MEP1B: variants seen among roughly 807,000 people sequenced by gnomAD.
The protein encoded by MEP1B is meprin A subunit beta, also known as N-benzoyl-L-tyrosyl-P-amino-benzoic acid hydrolase subunit beta.
In MEP1B, 80 loss-of-function variants were observed where a neutral mutation model predicts 84.6. The observed-to-expected ratio is 0.95, with a 90% CI of 0.79 to 1.14. MEP1B has a LOEUF of 1.14. MEP1B is among the 50% of genes most tolerant of loss of function. MEP1B has a pLI of 0.00. For missense variants in MEP1B, 766 were observed against 855.1 expected (o/e 0.90, Z 1.30); for synonymous variants, 273 against 288.1 (o/e 0.95, Z 0.53).
At chr18:32,214,489 A>G (rs1442857347) in intron 11 of MEP1B, among the ~76,000 whole-genome samples, 4 of 152,192 alleles carry the variant, frequency 2.6e-5, no homozygotes, top group African/African-American at 9.6e-5. Flanking sequence ...TGACATTCAG[A>G]ATTTCTTCAC....
chr18:32,212,998 A>C (rs144892316), intron 10 of MEP1B, 118 bp from the exon 11 acceptor site: 1 of 899,146 alleles, frequency 1.1e-6, no homozygotes, highest in African/African-American at 1.7e-5. Flanking sequence ...CATACTTCTG[A>C]CCTGTAGAAA....
intron 6 of MEP1B, 75 bp downstream of exon 6, chr18:32,203,085 T>A (rs1396401003): frequency 1.2e-6 from 1 of 831,888 alleles, no homozygotes; most frequent in Non-Finnish European, 1.9e-6. Flanking sequence ...GCAGCAATCA[T>A]CCTAGGCTCT....
chr18:32,216,960 T>C lies in MEP1B; in HGVS notation c.1760-31T>C, dbSNP rs750071968. The C allele has an allele frequency of 3.1e-6, 5 of 1,602,676 alleles. No homozygotes were observed. In the South Asian group the frequency reaches 4.5e-5, roughly 14 times the overall value. On this transcript the variant is annotated intron_variant, in intron 12 of 14. Transcript: ENST00000269202. ...CAAATGATTGTTAAACAAAAGCTGA[T>C]TTCCATCCACACTCTTCCCCATCTT...
At chr18:32,192,123 T>G (rs2040807572) in intron 2 of MEP1B, among the ~76,000 whole-genome samples, 1 of 152,078 alleles carries the variant, frequency 6.6e-6, no homozygotes, top group Non-Finnish European at 1.5e-5. Context: ...TTGTGTCAAA[T>G]CAGATGGACC....
intron 7 of MEP1B, among the ~76,000 whole-genome samples, chr18:32,205,791 T>G (rs1357896680): frequency 6.6e-6 from 1 of 152,198 alleles, no homozygotes; most frequent in African/African-American, 2.4e-5. Flanking sequence ...TATTTTAAAC[T>G]GACAAATCAT....
rs2040977587 is a variant in MEP1B at position 32,207,449 on chromosome 18, T to C, written c.745T>C (p.Leu249=). ...TTTCAGTGACTCTGATCTCCTAAAG[T>C]TGAATCAACTGTATAACTGCTGTAT... The part of the protein sequence containing the change: ...MDFSDSDLLK[L]NQLYNCSSSL... The change falls in exon 8 of 15, where the codon TTG becomes CTG. Residue 249 remains leucine, a synonymous_variant. Transcript: ENST00000269202. 6.8e-6 allele frequency: 11 copies of C among 1,610,244 alleles called. No homozygotes were observed. In the East Asian group the frequency reaches 2.5e-4, roughly 36 times the overall value.
chr18:32,191,953 G>T, intron 2 of MEP1B, 113 bp downstream of exon 2: 1 of 647,674 alleles, frequency 1.5e-6, no homozygotes, highest in Non-Finnish European at 2.7e-6. Flanking sequence ...ATTGAACTTT[G>T]ATCTAATACT....
chr18:32,191,419 T>A (rs1568262162), intron 1 of MEP1B, among the ~76,000 whole-genome samples: 2 of 152,044 alleles, frequency 1.3e-5, no homozygotes, highest in South Asian at 2.1e-4. Context: ...TAAAGAATTG[T>A]TATAAATTAC....
intron 13 of MEP1B, 99 bp downstream of exon 13, chr18:32,217,216 G>A: frequency 1.5e-6 from 2 of 1,347,768 alleles, no homozygotes; most frequent in Non-Finnish European, 2.0e-6. Flanking sequence ...AATGAAATCA[G>A]TTGATTCTCA....
chr18:32,215,590 C>G (rs566863823), intron 12 of MEP1B, among the ~76,000 whole-genome samples: 8 of 152,040 alleles, frequency 5.3e-5, no homozygotes, highest in Non-Finnish European at 1.2e-4. Context: ...TTTGGGAGAC[C>G]GAGGCGAGTG....
In MEP1B at chr18:32,213,455, G is replaced by T; in HGVS notation, c.1475G>T (p.Cys492Phe). ...AATGATGATCAATTACAGTGGCCAT[G>T]TCCTTGGCAACAAGCCACAATGACA... is the stretch of plus-strand genomic sequence containing the variant. ...GANDDQLQWP[C>F]PWQQATMTLL... The change falls in exon 11 of 15, where the codon TGT becomes TTT. Residue 492 changes from cysteine to phenylalanine, a missense_variant. Physicochemically the swap from Cys to Phe is radical, Grantham distance 205 (BLOSUM62 -2). Transcript: ENST00000269202. 1 of 1,613,876 alleles carries T rather than the reference G, an allele frequency of 6.2e-7. No homozygotes were observed. Among genetic ancestry groups the T allele is most frequent in the South Asian group, 1.1e-5 (1 of 91,080 alleles).
At chr18:32,191,925 T>TC in intron 2 of MEP1B, 85 bp downstream of exon 2, 29 of 785,750 alleles carry the variant, frequency 3.7e-5, no homozygotes, top group Non-Finnish European at 5.2e-5. Flanking sequence ...TACATATGCA[T>TC]AATTGATGCA....
At chr18:32,190,865 T>C (rs912010479) in intron 1 of MEP1B, among the ~76,000 whole-genome samples, 1 of 152,156 alleles carries the variant, frequency 6.6e-6, no homozygotes, top group Non-Finnish European at 1.5e-5. Context: ...CACTTGTTAA[T>C]GTCAAAAATG....
chr18:32,192,274 G>A (rs2040809158), intron 2 of MEP1B, among the ~76,000 whole-genome samples: 1 of 152,078 alleles, frequency 6.6e-6, no homozygotes, highest in Admixed American at 6.5e-5. Context: ...ACTAGCAAGT[G>A]ATATACATGT....
chr18:32,201,664 T>G (rs180829195), intron 5 of MEP1B, among the ~76,000 whole-genome samples: 7 of 152,342 alleles, frequency 4.6e-5, no homozygotes, highest in Non-Finnish European at 8.8e-5. Flanking sequence ...AAATGTATGG[T>G]AAGGGTGATT....
chr18:32,213,650 A>T, intron 11 of MEP1B, 91 bp downstream of exon 11: 1 of 969,042 alleles, frequency 1.0e-6, no homozygotes, highest in African/African-American at 1.6e-5. Context: ...ACAGTTAGTT[A>T]CCTAGGGAAT....
intron 4 of MEP1B, 118 bp from the exon 5 acceptor site, chr18:32,195,288 AC>A (rs1361055602): frequency 3.8e-5 from 25 of 649,770 alleles, no homozygotes; most frequent in Non-Finnish European, 6.3e-5. Context: ...ACACACACAC[AC>A]AATTTGTTTG....
intron 11 of MEP1B, among the ~76,000 whole-genome samples, chr18:32,214,477 C>G (rs571961613): frequency 6.6e-5 from 10 of 152,306 alleles, no homozygotes; most frequent in Admixed American, 6.5e-4. Context: ...ATTGTAGGGA[C>G]TTGACATTCA....
In MEP1B at chr18:32,196,669, C is replaced by T; in HGVS notation, c.250+1184C>T. The stretch of plus-strand genomic sequence containing the variant: ...AGCACGCCACCTCGGGGTGTCTTCC[C>T]CAAGCACCAGCGCATGAGGTAGTGG... On this transcript the variant is annotated intron_variant, in intron 5 of 14. Transcript: ENST00000269202. This position sits in a 1 kb window ranked among gnomAD's most constrained non-coding sequence, Gnocchi z 4.4. 1 of 667,408 alleles carries T rather than the reference C, an allele frequency of 1.5e-6. No individual in the cohort carries two copies. Among genetic ancestry groups the T allele is most frequent in the Non-Finnish European group, 2.7e-6 (1 of 365,238 alleles). The allele number at this position is 667,408 out of a possible 1,614,324, so 41.3% of individuals were successfully genotyped here. A position where few individuals can be genotyped will look rare whatever the true frequency, so the allele number is the denominator to read the frequency against.
Sources: allele counts gnomAD v4.1 joint callset (sites outside exome capture counted in the v4.1 genomes callset), GRCh38; gene constraint gnomAD v4.1.1; non-coding constraint Gnocchi (gnomAD v3.1); transcripts MANE v1.5; gene names NCBI Gene and HGNC (gene_info 2026-07-23, HGNC 2026-07-21).